The following PITRM1 variants were observed in gnomAD, a reference collection of about 807,000 sequenced individuals.
PITRM1 encodes the protein pitrilysin metallopeptidase 1, also known as presequence protease, mitochondrial.
Under a neutral mutation model 129.9 loss-of-function variants are expected in PITRM1, and 100 were observed. The observed-to-expected ratio is 0.77, with a 90% CI of 0.65 to 0.91. The LOEUF (loss-of-function observed/expected upper bound fraction) is 0.91, where lower values mean the gene tolerates loss of function less well. Ranked by LOEUF, PITRM1 falls within the 40% of genes least tolerant of loss-of-function variation. PITRM1 has a pLI of 0.00. For synonymous variants in PITRM1, 591 were observed against 508.8 expected (o/e 1.16, Z -2.17); for missense variants, 1,471 against 1,318.3 (o/e 1.12, Z -1.79).
At chr10:3,160,889 T>C (rs1172398960) in intron 7 of PITRM1, among the ~76,000 whole-genome samples, 2 of 152,182 alleles carry the variant, frequency 1.3e-5, no homozygotes, top group Non-Finnish European at 2.9e-5. Flanking sequence ...GCCTCCCAAG[T>C]TGCTGGGATT....
intron 7 of PITRM1, among the ~76,000 whole-genome samples, chr10:3,161,349 G>A (rs543644721): frequency 1.6e-4 from 24 of 152,142 alleles, no homozygotes; most frequent in Non-Finnish European, 3.2e-4. Flanking sequence ...GGTTATACAC[G>A]TTTATAAAGA....
At position 3,165,343 on chromosome 10, in the gene PITRM1, A is replaced by G. The variant is rs1402898550; in HGVS notation, c.534-9T>C. 2 of 1,594,802 alleles carry G rather than the reference A, an allele frequency of 1.3e-6. No homozygotes were observed. Among genetic ancestry groups the G allele is most frequent in the South Asian group, 2.3e-5 (2 of 87,490 alleles). On this transcript the variant is annotated splice_polypyrimidine_tract_variant and intron_variant, in intron 5 of 26. Transcript: ENST00000224949. ...GCCGCCATCCTTCCTGCCTGAGGAC[A>G]AATCATTATAAGCTGATAGTGACTC...
chr10:3,155,725 T>C lies in PITRM1; in HGVS notation c.1487A>G (p.Asn496Ser). Residue 496 changes from asparagine (N) to serine (S), a missense_variant, in exon 14 of 27, where the codon AAC (asparagine) becomes AGC (serine). By Grantham distance (46) the Asn-to-Ser change is conservative (BLOSUM62 1). Coordinates refer to ENST00000224949, the MANE Select transcript of PITRM1 (RefSeq NM_014889.4). ...CATCGATAAAGTCAGCTTATGCTGG[T>C]TATTCTGCAGCAATCACAGCAACAA... ...QEKVKQYFKN[N>S]QHKLTLSMRP... 2 of 1,613,744 alleles carry C rather than the reference T, an allele frequency of 1.2e-6. No homozygotes were observed. Among genetic ancestry groups the C allele is most frequent in the Non-Finnish European group, 1.7e-6 (2 of 1,179,872 alleles).
chr10:3,160,406 AAC>A, intron 7 of PITRM1, 76 bp from the exon 8 acceptor site: 2 of 1,237,012 alleles, frequency 1.6e-6, no homozygotes, highest in East Asian at 2.3e-5. Context: ...GTTTCACTGA[AAC>A]ACAGCACAGG....
chr10:3,172,704 C>G lies in PITRM1; in HGVS notation c.56+13G>C. On this transcript the variant is annotated intron_variant, in intron 1 of 26. Transcript: ENST00000224949. ...TACCAGCGCGCCGAGCGCCTCCCGT[C>G]GCAGCGTCTCACCCGCCGCTCAGCC... The G allele has an allele frequency of 6.5e-7, 1 of 1,535,428 alleles. No homozygotes were observed. The highest frequency in any genetic ancestry group is 1.2e-5 in the South Asian group (1 of 82,892).
chr10:3,169,822 C>T (rs1013331016), intron 2 of PITRM1, among the ~76,000 whole-genome samples: 1 of 152,206 alleles, frequency 6.6e-6, no homozygotes, highest in Non-Finnish European at 1.5e-5. Flanking sequence ...GGTTTGGCTG[C>T]AGAAACGCTA....
chr10:3,153,234 C>T (rs558032706), intron 14 of PITRM1, among the ~76,000 whole-genome samples: 6 of 152,264 alleles, frequency 3.9e-5, no homozygotes, highest in Non-Finnish European at 8.8e-5. Flanking sequence ...CTACAGTATA[C>T]GGGGTTTTCT....
chr10:3,155,529 A>C (rs760003807), intron 14 of PITRM1, 62 bp downstream of exon 14: 1 of 1,596,832 alleles, frequency 6.3e-7, no homozygotes, highest in Non-Finnish European at 8.6e-7. Flanking sequence ...CTAACTCACT[A>C]ACAAGTCCAC....
intron 2 of PITRM1, among the ~76,000 whole-genome samples, chr10:3,167,331 CTAGG>C (rs1204732895): frequency 6.6e-6 from 1 of 152,226 alleles, no homozygotes; most frequent in Non-Finnish European, 1.5e-5. Context: ...TTACTACTGG[CTAGG>C]TATTTTAGAT....
upstream of PITRM1, chr10:3,172,832 G>T: frequency 6.6e-7 from 1 of 1,506,492 alleles, no homozygotes; most frequent in Non-Finnish European, 8.9e-7. Flanking sequence ...CAGGGCGCGG[G>T]GCGGGGCTTG....
rs753024095 is a variant in PITRM1, at chr10:3,170,189, G to A, written c.74C>T (p.Ala25Val). 8.1e-6 allele frequency: 13 copies of A among 1,613,274 alleles called. No individual in the cohort carries two copies. The highest frequency in any genetic ancestry group is 1.6e-4 in the Middle Eastern group (1 of 6,084). Reference protein sequence around the residue: ...RLSGGHAHHRAWRWNSNRACE... With the variant: ...RLSGGHAHHRVWRWNSNRACE... Reference sequence around the variant, plus strand: ...AGCCCGGTTACTGTTCCATCGCCACGCTCTGTGGTGTGCATGTCTAGATTA... The same window carrying A: ...AGCCCGGTTACTGTTCCATCGCCACACTCTGTGGTGTGCATGTCTAGATTA... Residue 25 changes from alanine to valine, a missense_variant, in exon 2 of 27, where the codon GCG becomes GTG. Ala to Val is a moderately conservative substitution (Grantham distance 64). Coordinates refer to ENST00000224949, the MANE Select transcript of PITRM1 (RefSeq NM_014889.4).
At chr10:3,155,785 C>T in intron 13 of PITRM1, 56 bp from the exon 14 acceptor site, 1 of 1,590,640 alleles carries the variant, frequency 6.3e-7, no homozygotes, top group Non-Finnish European at 8.6e-7. Context: ...TTACTATATC[C>T]TAACACTCAA....
rs1441978745 is a variant in PITRM1 at position 3,140,668 on chromosome 10, G to A, written c.2771+19C>T. Reference sequence around the variant, plus strand: ...AAACGACGTGTGCATCCCAATGTGTGAACTAGAGCAAAACTCACCTGTAAG... The same window carrying A: ...AAACGACGTGTGCATCCCAATGTGTAAACTAGAGCAAAACTCACCTGTAAG... On this transcript the variant is annotated intron_variant, in intron 24 of 26. Transcript: ENST00000224949. 2 of 1,590,922 alleles carry A rather than the reference G, an allele frequency of 1.3e-6. No homozygotes were observed. Among genetic ancestry groups the A allele is most frequent in the Non-Finnish European group, 1.7e-6 (2 of 1,166,986 alleles).
chr10:3,145,978 T>C (rs1840821855), intron 20 of PITRM1: 1 of 441,734 alleles, frequency 2.3e-6, no homozygotes, highest in Non-Finnish European at 4.1e-6. Flanking sequence ...CTAGTTCTTC[T>C]GAAGAGCAAA....
Position 3,158,970 on chromosome 10 carries a change from G to C in PITRM1, c.1080C>G (p.Pro360=), listed in dbSNP as rs1278662258. The C allele has an allele frequency of 2.5e-6, 4 of 1,613,530 alleles. No individual in the cohort carries two copies. The highest frequency in any genetic ancestry group is 1.7e-5 in the Admixed American group (1 of 59,984). The change falls in exon 10 of 27, where the codon CCC becomes CCG. Residue 360 remains proline (P), a synonymous_variant. Transcript: ENST00000224949. Reference sequence around the variant, plus strand: ...CAGATTCAATCAAGGCTTTGTAAAAGGGAGAATTGGGCCCAGAAGTCAAGA... The same window carrying C: ...CAGATTCAATCAAGGCTTTGTAAAACGGAGAATTGGGCCCAGAAGTCAAGA... ...SSLLTSGPNS[P]FYKALIESGL... is the part of the protein sequence containing the mutation.
At chr10:3,151,188 T>C (rs1841479192) in intron 15 of PITRM1, 59 bp downstream of exon 15, 2 of 897,864 alleles carry the variant, frequency 2.2e-6, no homozygotes, top group Non-Finnish European at 3.6e-6. Flanking sequence ...CTGTGAGGAG[T>C]GACATTTAAT....
rs1389949360 is a variant in PITRM1 at position 3,171,146 on chromosome 10, TTAAAAAAAAAAAAAAAAA to T, written c.57-958_57-941del. 4.4e-4 allele frequency among the ~76,000 whole-genome samples: 16 copies of T among 36,266 alleles called. 1 individual carries two copies. Among genetic ancestry groups the T allele is most frequent in the East Asian group, 3.9e-3 (5 of 1,292 alleles). 23.8% of individuals were successfully genotyped at this position (36,266 alleles called of 152,430 possible). A position where few individuals can be genotyped will look rare whatever the true frequency, so the allele number is the denominator to read the frequency against. On this transcript the variant is annotated intron_variant, in intron 1 of 26. Transcript: ENST00000224949. Reference sequence around the variant, plus strand: ...GATAAAGTGCGGACTAATCGTTCAATTAAAAAAAAAAAAAAAAAAAAAAAAAAAAAAAAAAAAACCTTA... The same window carrying T: ...GATAAAGTGCGGACTAATCGTTCAATAAAAAAAAAAAAAAAAAAAACCTTA...
chr10:3,138,837 A>C, intron 25 of PITRM1, 67 bp downstream of exon 25: 2 of 1,492,418 alleles, frequency 1.3e-6, no homozygotes, highest in Non-Finnish European at 1.9e-6. Context: ...CATGCCGGGA[A>C]CTTGGAAAAC....
chr10:3,147,563 G>A lies in PITRM1; in HGVS notation c.2235+9C>T. ...CCGGAGTAATAGAGGTTCCTTCCAA[G>A]CTTCCCACCTGATCCATCCCGCTGA... On this transcript the variant is annotated intron_variant, in intron 19 of 26. Coordinates refer to ENST00000224949, the MANE Select transcript of PITRM1 (RefSeq NM_014889.4). 1.2e-6 allele frequency: 2 copies of A among 1,613,662 alleles called. No homozygotes were observed. Among genetic ancestry groups the A allele is most frequent in the Non-Finnish European group, 1.7e-6 (2 of 1,179,692 alleles).
Sources: allele counts gnomAD v4.1 joint callset (sites outside exome capture counted in the v4.1 genomes callset), GRCh38; gene constraint gnomAD v4.1.1; transcripts MANE v1.5; gene names NCBI Gene and HGNC (gene_info 2026-07-23, HGNC 2026-07-21).